DIPK1A: variants seen among roughly 807,000 people sequenced by gnomAD.
The protein encoded by DIPK1A is family with sequence similarity 69 member A.
Under a neutral mutation model 40.8 loss-of-function variants are expected in DIPK1A, and 27 were observed. The observed-to-expected ratio is 0.66, with a 90% confidence interval of 0.49 to 0.91. DIPK1A has a LOEUF of 0.91. Among genes scored for constraint, DIPK1A ranks in the 40% least tolerant of loss-of-function variants. The pLI is 0.00. For missense variants in DIPK1A, 412 were observed against 505.7 expected, an observed-to-expected ratio of 0.81 and a Z score of 1.78; for synonymous variants, 166 against 171.3, an observed-to-expected ratio of 0.97 and a Z score of 0.24.
intron 4 of DIPK1A, chr1:92,835,379 G>A (rs143421165): frequency 5.7e-4 from 128 of 224,288 alleles, no homozygotes; most frequent in Middle Eastern, 1.9e-3. Context: ...TTGGCTAGGC[G>A]CGGTGGCTCA....
Position 92,843,398 on chromosome 1 carries a change from G to T in DIPK1A, c.1272C>A (p.Tyr424Ter). ...TCCAAATGAACTAAGAGTCATTAGT[G>T]TAGGAAATTTTCTTCCACAATAATG... is the stretch of plus-strand genomic sequence containing the variant. ...LKTLLWKKISYTNDS is the reference protein window; with the variant it reads ...LKTLLWKKIS Residue 424 changes from tyrosine (Y) to a stop codon, truncating the protein, a stop_gained, in exon 5 of 5, where the codon TAC (tyrosine) becomes TAA (stop). Transcript: ENST00000370310. LOFTEE classifies it high-confidence loss of function. 1.3e-6 allele frequency: 2 copies of T among 1,542,020 alleles called. No homozygotes were observed. Among genetic ancestry groups the T allele is most frequent in the Non-Finnish European group, 1.8e-6 (2 of 1,142,184 alleles).
intron 2 of DIPK1A, among the ~76,000 whole-genome samples, chr1:92,872,364 G>T (rs577571812): frequency 6.6e-6 from 1 of 151,930 alleles, no homozygotes; most frequent in African/African-American, 2.4e-5. Context: ...TTACAGGTAC[G>T]AGCCACCATG....
Position 92,843,177 on chromosome 1 carries a change from C to T in DIPK1A, c.*206G>A. 1 of 1,322,980 alleles carries T rather than the reference C, an allele frequency of 7.6e-7. No individual in the cohort carries two copies. Among genetic ancestry groups the T allele is most frequent in the Non-Finnish European group, 9.7e-7 (1 of 1,033,020 alleles). The allele number at this position is 1,322,980 out of a possible 1,614,324, so 82.0% of individuals were successfully genotyped here. A position where few individuals can be genotyped will look rare whatever the true frequency, so the allele number is the denominator to read the frequency against. Reference sequence around the variant, plus strand: ...AATGTACTTCGGAGATGTAACAGGGCTTCTAAAAGGGCAGGAATGACATCT... The same window carrying T: ...AATGTACTTCGGAGATGTAACAGGGTTTCTAAAAGGGCAGGAATGACATCT... On this transcript the variant is annotated 3_prime_UTR_variant, in exon 5 of 5. Transcript: ENST00000370310.
chr1:92,856,288 A>C (rs1687983873), intron 2 of DIPK1A, among the ~76,000 whole-genome samples: 1 of 152,012 alleles, frequency 6.6e-6, no homozygotes, highest in South Asian at 2.1e-4. Context: ...ATAGAAAGTC[A>C]TACAGGAACA....
rs370903728 is a variant in DIPK1A at position 92,945,372 on chromosome 1, T to G, written c.54+16004A>C. Among the ~76,000 whole-genome samples the G allele has an allele frequency of 4.6e-5, 7 of 152,280 alleles. No homozygotes were observed. The East Asian group carries it at 5.8e-4, about 13-fold the overall frequency. On this transcript the variant is annotated intron_variant, in intron 1 of 4. Transcript: ENST00000370310. The stretch of plus-strand genomic sequence containing the variant: ...GAAACAAGCTTGTATGTACCCTGAT[T>G]ACAAGGAACTGATAGAGTGTGAGAA...
intron 2 of DIPK1A, among the ~76,000 whole-genome samples, chr1:92,855,900 C>A (rs1223146511): frequency 1.3e-5 from 2 of 151,750 alleles, no homozygotes; most frequent in Admixed American, 6.6e-5. Flanking sequence ...GACAACATGG[C>A]AAAACTTTGT....
At position 92,843,349 on chromosome 1, in the gene DIPK1A, AG is replaced by A; in HGVS notation, c.*33del. ...CTCAAAATTGTTCTTTAAAAGTGGCAGGTTTCTTAAAATGGTAATTATGTCC... is the reference window on the plus strand; with the variant it reads ...CTCAAAATTGTTCTTTAAAAGTGGCAGTTTCTTAAAATGGTAATTATGTCC... On this transcript the variant is annotated 3_prime_UTR_variant, in exon 5 of 5. Transcript: ENST00000370310. 4.1e-6 allele frequency: 6 copies of A among 1,464,428 alleles called. No homozygotes were observed. Among genetic ancestry groups the A allele is most frequent in the Non-Finnish European group, 5.4e-6 (6 of 1,108,698 alleles). The allele number at this position is 1,464,428 out of a possible 1,614,324, so 90.7% of individuals were successfully genotyped here.
In DIPK1A at chr1:92,898,006, G is replaced by A. The variant is rs533137105; in HGVS notation, c.55-21576C>T. ...CTCAGCTACTTGGGAGGCTGAGGCAGAAGAATTGCTTGAATCTGGGAGATG... is the reference window on the plus strand; with the variant it reads ...CTCAGCTACTTGGGAGGCTGAGGCAAAAGAATTGCTTGAATCTGGGAGATG... On this transcript the variant is annotated intron_variant, in intron 1 of 4. Transcript: ENST00000370310. Among the ~76,000 whole-genome samples, 720 of 151,178 alleles carry A rather than the reference G, an allele frequency of 4.8e-3. 4 individuals carry two copies. Among genetic ancestry groups the A allele is most frequent in the South Asian group, 0.013 (62 of 4,758 alleles).
intron 1 of DIPK1A, among the ~76,000 whole-genome samples, chr1:92,930,051 C>T (rs1357745004): frequency 6.6e-6 from 1 of 152,220 alleles, no homozygotes; most frequent in South Asian, 2.1e-4. Flanking sequence ...AGCTGACTGG[C>T]TTAGGCTTGG....
intron 2 of DIPK1A, among the ~76,000 whole-genome samples, chr1:92,876,054 T>C (rs973337532): frequency 2.0e-5 from 3 of 150,554 alleles, no homozygotes; most frequent in Non-Finnish European, 3.0e-5. Context: ...AAAATCCTTC[T>C]TTGTATTGAG....
chr1:92,843,416 C>T lies in DIPK1A; in HGVS notation c.1254G>A (p.Leu418=), dbSNP rs1477678970. The T allele has an allele frequency of 6.5e-6, 10 of 1,547,162 alleles. No homozygotes were observed. The highest frequency in any genetic ancestry group is 8.7e-6 in the Non-Finnish European group (10 of 1,145,104). The change falls in exon 5 of 5, where the codon TTG becomes TTA. Residue 418 remains leucine, a synonymous_variant. Coordinates refer to ENST00000370310, the MANE Select transcript of DIPK1A (RefSeq NM_001006605.5). Reference sequence around the variant, plus strand: ...CATTAGTGTAGGAAATTTTCTTCCACAATAATGTTTTTAGGTTATTTAGTA... The same window carrying T: ...CATTAGTGTAGGAAATTTTCTTCCATAATAATGTTTTTAGGTTATTTAGTA... ...SLILNNLKTL[L]WKKISYTNDS
chr1:92,836,150 G>T, intron 4 of DIPK1A: 2 of 1,561,720 alleles, frequency 1.3e-6, no homozygotes, highest in South Asian at 1.1e-5. Flanking sequence ...AGAGCAGTTT[G>T]AATAATTGAA....
intron 1 of DIPK1A, among the ~76,000 whole-genome samples, chr1:92,927,747 A>C (rs947553999): frequency 6.6e-6 from 1 of 152,152 alleles, no homozygotes. Context: ...TTTTTCACTT[A>C]ACTTTTCAAG....
intron 4 of DIPK1A, chr1:92,833,796 T>G (rs771912121): frequency 7.4e-5 from 53 of 719,686 alleles, no homozygotes; most frequent in Non-Finnish European, 1.1e-4. Context: ...TTCCTTTTAG[T>G]AGGTCTAGAA....
At chr1:92,909,947 G>C (rs2100834650) in intron 1 of DIPK1A, among the ~76,000 whole-genome samples, 1 of 152,224 alleles carries the variant, frequency 6.6e-6, no homozygotes, top group East Asian at 1.9e-4. Context: ...CTTTCCCTTT[G>C]TACAGTCTAA....
In DIPK1A at chr1:92,901,664, A is replaced by G. The variant is rs1463991268; in HGVS notation, c.55-25234T>C. 2.6e-5 allele frequency among the ~76,000 whole-genome samples: 4 copies of G among 152,104 alleles called. No homozygotes were observed. In the East Asian group the frequency reaches 7.7e-4, roughly 29 times the overall value. On this transcript the variant is annotated intron_variant, in intron 1 of 4. Transcript: ENST00000370310. ...TGAGGCACTGTGTAGTAGTGACTGTATACCCTGAGATGGTGGGACTTGGAA... is the reference window on the plus strand; with the variant it reads ...TGAGGCACTGTGTAGTAGTGACTGTGTACCCTGAGATGGTGGGACTTGGAA...
At position 92,865,041 on chromosome 1, in the gene DIPK1A, CAA is replaced by C. The variant is rs56735279; in HGVS notation, c.189+11253_189+11254del. 1.2e-3 allele frequency among the ~76,000 whole-genome samples: 83 copies of C among 70,442 alleles called. 1 individual carries two copies. In the Middle Eastern group the frequency reaches 0.033, roughly 28 times the overall value. 46.2% of individuals were successfully genotyped at this position (70,442 alleles called of 152,430 possible). ...TGGGCTACAGAGTGAGACTCCGTCT[CAA>C]AAAAAAAAAAAAAAAAAAAGATATA... On this transcript the variant is annotated intron_variant, in intron 2 of 4. Coordinates refer to ENST00000370310, the MANE Select transcript of DIPK1A (RefSeq NM_001006605.5).
chr1:92,923,949 A>T (rs1412987838), intron 1 of DIPK1A, among the ~76,000 whole-genome samples: 1 of 152,262 alleles, frequency 6.6e-6, no homozygotes, highest in Non-Finnish European at 1.5e-5. Flanking sequence ...TCTTTTCGTT[A>T]TTAGTCCATG....
intron 1 of DIPK1A, chr1:92,933,548 GA>G (rs1650840527): frequency 6.6e-6 from 1 of 152,026 alleles, no homozygotes; most frequent in Admixed American, 6.6e-5. Flanking sequence ...AAAAGGAAAA[GA>G]AAACTGCCCA....
Sources: gnomAD v4.1 joint callset for allele counts (sites outside exome capture counted in the v4.1 genomes callset) on GRCh38, gnomAD v4.1.1 for gene constraint, MANE v1.5 for transcripts, NCBI Gene and HGNC (gene_info 2026-07-23, HGNC 2026-07-21) for gene names.